Variants in DNAH11 observed in about 807,000 individuals in gnomAD.
DNAH11 encodes the protein dynein axonemal heavy chain 11.
A neutral mutation model predicts 526.0 loss-of-function variants in DNAH11; 442 were observed. The ratio of observed to expected loss-of-function variants is 0.84; its 90% confidence interval spans 0.78 to 0.91. The LOEUF (loss-of-function observed/expected upper bound fraction) is 0.91, where lower values mean the gene tolerates loss of function less well. Among genes scored for constraint, DNAH11 ranks in the 40% least tolerant of loss-of-function variants. DNAH11 has a pLI of 0.00. For synonymous variants in DNAH11, 2,461 were observed against 1,935.9 expected, an observed-to-expected ratio of 1.27 and a Z score of -7.12; for missense variants, 6,989 against 5,448.7, an observed-to-expected ratio of 1.28 and a Z score of -8.90.
At chr7:21,714,220 T>A (rs1430705633) in intron 42 of DNAH11, among the ~76,000 whole-genome samples, 1 of 152,230 alleles carries the variant, frequency 6.6e-6, no homozygotes, top group Non-Finnish European at 1.5e-5. Context: ...CAATTTATAT[T>A]CCTAAGAGAG....
intron 77 of DNAH11, among the ~76,000 whole-genome samples, chr7:21,893,534 C>T (rs1034181880): frequency 6.6e-5 from 10 of 152,180 alleles, no homozygotes; most frequent in Non-Finnish European, 1.5e-4. Flanking sequence ...ATGTCAGAAC[C>T]AGAGGCAGTA....
Position 21,894,908 on chromosome 7 carries a change from G to C in DNAH11, c.12958G>C (p.Val4320Leu). Reference protein sequence around the residue: ...LKGELALSPAVEAQQFALSYD... With the variant: ...LKGELALSPALEAQQFALSYD... ...GGGGGAATTGGCATTATCTCCTGCT[G>C]TGGAAGCCCAGCAGTTTGCATTGAG... Residue 4320 changes from valine (V) to leucine (L), a missense_variant, in exon 79 of 82, where the codon GTG (valine) becomes CTG (leucine). Physicochemically the swap from Val to Leu is conservative, Grantham distance 32. Transcript: ENST00000409508. The C allele has an allele frequency of 6.2e-7, 1 of 1,613,978 alleles. No homozygotes were observed. Among genetic ancestry groups the C allele is most frequent in the Non-Finnish European group, 8.5e-7 (1 of 1,179,886 alleles).
At chr7:21,696,428 A>G (rs530247897) in intron 35 of DNAH11, among the ~76,000 whole-genome samples, 1 of 152,316 alleles carries the variant, frequency 6.6e-6, no homozygotes, top group Non-Finnish European at 1.5e-5. Context: ...TCCTCATAAC[A>G]GCTTTCTCTA....
intron 80 of DNAH11, 151 bp from the exon 81 acceptor site, chr7:21,899,829 G>T: frequency 1.1e-6 from 1 of 892,774 alleles, no homozygotes; most frequent in Non-Finnish European, 1.7e-6. Context: ...GGCCTTAGTT[G>T]GCCAACCCCC....
Position 21,592,623 on chromosome 7 carries a change from G to A in DNAH11, c.2667+1046G>A, listed in dbSNP as rs143239232. ...GGGTAAGCCACAGGCAAGCAAAGAA[G>A]TGGTTGGCAGGGAGACTCTTCAGAG... On this transcript the variant is annotated intron_variant, in intron 14 of 81. Transcript: ENST00000409508. Among the ~76,000 whole-genome samples, 199 of 152,342 alleles carry A rather than the reference G, an allele frequency of 1.3e-3. 1 individual carries two copies. Among genetic ancestry groups the A allele is most frequent in the African/African-American group, 4.6e-3 (192 of 41,584 alleles).
chr7:21,808,653 G>A (rs1789378715), intron 63 of DNAH11, among the ~76,000 whole-genome samples: 1 of 152,106 alleles, frequency 6.6e-6, no homozygotes, highest in East Asian at 1.9e-4. Context: ...TTTTGTGCCT[G>A]GTTTATTCCA....
At chr7:21,876,114 G>T (rs1313678122) in intron 74 of DNAH11, among the ~76,000 whole-genome samples, 1 of 152,026 alleles carries the variant, frequency 6.6e-6, no homozygotes, top group Non-Finnish European at 1.5e-5. Context: ...TTGATCTCCT[G>T]ACCTTGTGAT....
At chr7:21,842,082 G>C (rs1782223784) in intron 65 of DNAH11, among the ~76,000 whole-genome samples, 1 of 152,104 alleles carries the variant, frequency 6.6e-6, no homozygotes, top group African/African-American at 2.4e-5. Context: ...CCTTTATTTA[G>C]AAGTTTGATG....
intron 35 of DNAH11, among the ~76,000 whole-genome samples, chr7:21,696,451 T>C (rs543823740): frequency 9.8e-5 from 15 of 152,328 alleles, no homozygotes; most frequent in African/African-American, 3.6e-4. Context: ...ATAATAATTT[T>C]ATAATGTCTA....
intron 14 of DNAH11, among the ~76,000 whole-genome samples, chr7:21,592,049 G>A (rs1045334608): frequency 4.0e-5 from 6 of 151,872 alleles, no homozygotes; most frequent in Non-Finnish European, 8.8e-5. Context: ...GTGAATGCAA[G>A]AGAAAACAGA....
In DNAH11 at chr7:21,818,326, A is replaced by G; in HGVS notation, c.10678A>G (p.Ile3560Val). 6.2e-7 allele frequency: 1 copy of G among 1,605,484 alleles called. No individual in the cohort carries two copies. Among genetic ancestry groups the G allele is most frequent in the Non-Finnish European group, 8.5e-7 (1 of 1,177,424 alleles). ...GGATCCACTACTTGGCAGGAACACA[A>G]TTAAAAAAGGAAAGTAAGTATTCTT... ...VLDPLLGRNT[I>V]KKGKYIRIGD... The change falls in exon 65 of 82, where the codon ATT becomes GTT. Residue 3560 changes from isoleucine (I) to valine (V), a missense_variant. Physicochemically the swap from Ile to Val is conservative, Grantham distance 29. Coordinates refer to ENST00000409508, the MANE Select transcript of DNAH11 (RefSeq NM_001277115.2).
At chr7:21,709,111 A>C (rs913913307) in intron 40 of DNAH11, among the ~76,000 whole-genome samples, 6 of 152,226 alleles carry the variant, frequency 3.9e-5, no homozygotes, top group African/African-American at 1.4e-4. Flanking sequence ...GTTCTACCAA[A>C]AAGACACATT....
chr7:21,616,249 T>A lies in DNAH11; in HGVS notation c.4052T>A (p.Ile1351Asn), dbSNP rs202100672. Residue 1351 changes from isoleucine to asparagine, a missense_variant, in exon 22 of 82, where the codon ATT (isoleucine) becomes AAT (asparagine). Transcript: ENST00000409508. ...TGGACTAAAACCCAGTGGAGACAGA[T>A]TCATGTGGAACAGATGGATGTAGAA... ...DNWTKTQWRQIHVEQMDVELR... is the reference protein window; with the variant it reads ...DNWTKTQWRQNHVEQMDVELR... The A allele has an allele frequency of 2.5e-6, 4 of 1,613,534 alleles. No homozygotes were observed. In the African/African-American group the frequency reaches 5.3e-5, roughly 22 times the overall value.
At chr7:21,792,820 G>GA (rs1788534634) in intron 61 of DNAH11, among the ~76,000 whole-genome samples, 1 of 151,584 alleles carries the variant, frequency 6.6e-6, no homozygotes, top group African/African-American at 2.4e-5. Context: ...TTTATCTTTT[G>GA]AAAAAATGAA....
chr7:21,759,794 T>C (rs1341901155), intron 54 of DNAH11, among the ~76,000 whole-genome samples: 2 of 152,188 alleles, frequency 1.3e-5, no homozygotes, highest in Non-Finnish European at 2.9e-5. Context: ...TGAGATCTTA[T>C]CTAAAAGAAA....
rs1784433394 is a variant in DNAH11 at position 21,710,703 on chromosome 7, G to C, written c.6834G>C (p.Lys2278Asn). 1 of 1,609,894 alleles carries C rather than the reference G, an allele frequency of 6.2e-7. No individual in the cohort carries two copies. The highest frequency in any genetic ancestry group is 1.3e-5 in the African/African-American group (1 of 74,792). ...TGAATACTGTAATGGATGATAACAA[G>C]GTGAATAAAACCTCTGTTCTCAACC... ...ESLNTVMDDN[K>N]VLTLASNERI... is the part of the protein sequence containing the mutation. Residue 2278 changes from lysine (K) to asparagine (N), a missense_variant and splice_region_variant, in exon 41 of 82, where the codon AAG becomes AAC. Coordinates refer to ENST00000409508, the MANE Select transcript of DNAH11 (RefSeq NM_001277115.2).
chr7:21,856,746 A>C (rs1782865267), intron 68 of DNAH11, among the ~76,000 whole-genome samples: 1 of 150,962 alleles, frequency 6.6e-6, no homozygotes, highest in Non-Finnish European at 1.5e-5. Flanking sequence ...TGGTCATTTC[A>C]GTTGATGCAA....
At chr7:21,825,733 G>T (rs1790257681) in intron 65 of DNAH11, among the ~76,000 whole-genome samples, 1 of 152,056 alleles carries the variant, frequency 6.6e-6, no homozygotes, top group Non-Finnish European at 1.5e-5. Flanking sequence ...GCCAAGGCAG[G>T]TGGATCATGA....
intron 9 of DNAH11, 87 bp from the exon 10 acceptor site, chr7:21,587,977 G>C: frequency 7.8e-7 from 1 of 1,290,046 alleles, no homozygotes; most frequent in East Asian, 2.4e-5. Flanking sequence ...CTTTAGTCAT[G>C]TAAGAGGTTT....
Sources: allele counts gnomAD v4.1 joint callset (sites outside exome capture counted in the v4.1 genomes callset), GRCh38; gene constraint gnomAD v4.1.1; transcripts MANE v1.5; gene names NCBI Gene and HGNC (gene_info 2026-07-23, HGNC 2026-07-21).